Variants in TAFA5 observed in about 807,000 individuals in gnomAD.
TAFA5 encodes chemokine-like protein TAFA-5.
TAFA5 carries 6 observed loss-of-function variants against 15.3 expected under a neutral mutation model. That is an observed-to-expected ratio of 0.39 (90% confidence interval 0.21 to 0.77). The LOEUF (loss-of-function observed/expected upper bound fraction) is 0.77. Among genes scored for constraint, TAFA5 ranks in the 30% least tolerant of loss-of-function variants. The pLI, the probability that TAFA5 is intolerant of heterozygous loss-of-function variation, is 0.41. For synonymous variants in TAFA5, 103 were observed against 80.7 expected (o/e 1.28, Z -1.48); for missense variants, 161 against 193.1 (o/e 0.83, Z 0.98).
intron 1 of TAFA5, among the ~76,000 whole-genome samples, chr22:48,629,338 T>C (rs1358613250): frequency 6.6e-6 from 1 of 152,072 alleles, no homozygotes; most frequent in African/African-American, 2.4e-5. Context: ...CAGCGGCCCC[T>C]CCTCGTCCTG....
intron 2 of TAFA5, among the ~76,000 whole-genome samples, chr22:48,659,972 G>A (rs140850855): frequency 5.3e-5 from 8 of 152,284 alleles, no homozygotes; most frequent in African/African-American, 1.4e-4. Flanking sequence ...TGACTTGGAG[G>A]GGGGTGAGTG....
rs556156753 is a variant in TAFA5, at chr22:48,661,389, C to G, written c.262+14643C>G. Among the ~76,000 whole-genome samples the G allele has an allele frequency of 2.0e-5, 3 of 152,344 alleles. 1 individual carries two copies. The highest frequency in any genetic ancestry group is 1.9e-4 in the East Asian group (1 of 5,170). ...GCTGAATGGTGTGCAGGCCTCGAAC[C>G]CCGGCCGCAGAACTCGCCCCGATGA... On this transcript the variant is annotated intron_variant, in intron 2 of 3. Coordinates refer to ENST00000402357, the MANE Select transcript of TAFA5 (RefSeq NM_001082967.3).
At chr22:48,572,619 C>T (rs1923628851) in intron 1 of TAFA5, among the ~76,000 whole-genome samples, 1 of 152,142 alleles carries the variant, frequency 6.6e-6, no homozygotes, top group African/African-American at 2.4e-5. Flanking sequence ...TTTTGTGTGC[C>T]ATGGGCCTGT....
chr22:48,728,158 CTACA>C (rs991193306), intron 3 of TAFA5, among the ~76,000 whole-genome samples: 18 of 152,104 alleles, frequency 1.2e-4, no homozygotes, highest in African/African-American at 4.3e-4. Context: ...GTTGAAATCT[CTACA>C]AAAAGAGCCA....
chr22:48,633,884 G>A (rs1926337607), intron 1 of TAFA5, among the ~76,000 whole-genome samples: 1 of 152,240 alleles, frequency 6.6e-6, no homozygotes, highest in African/African-American at 2.4e-5. Flanking sequence ...TCTCAGGGAT[G>A]TGTGTGCCAC....
intron 1 of TAFA5, among the ~76,000 whole-genome samples, chr22:48,642,325 G>A (rs938141488): frequency 1.4e-4 from 21 of 152,280 alleles, no homozygotes; most frequent in African/African-American, 4.6e-4. Flanking sequence ...CCAGGGGTCC[G>A]GGTCTACCCT....
At chr22:48,642,086 G>C (rs1926703583) in intron 1 of TAFA5, among the ~76,000 whole-genome samples, 1 of 152,188 alleles carries the variant, frequency 6.6e-6, no homozygotes, top group African/African-American at 2.4e-5. Flanking sequence ...ACTTTTCTGA[G>C]GGGGGCAGCC....
chr22:48,567,005 C>T (rs1416228540), intron 1 of TAFA5, among the ~76,000 whole-genome samples: 5 of 152,204 alleles, frequency 3.3e-5, no homozygotes, highest in Admixed American at 6.5e-5. Flanking sequence ...AGGGCACTTG[C>T]GTTGTCTCCA....
intron 1 of TAFA5, among the ~76,000 whole-genome samples, chr22:48,628,971 C>T (rs1926118038): frequency 6.6e-6 from 1 of 152,118 alleles, no homozygotes; most frequent in East Asian, 1.9e-4. Flanking sequence ...CGCCGTTTCC[C>T]TTAGACCTGA....
In TAFA5 at chr22:48,742,027, C is replaced by T. The variant is rs75440808; in HGVS notation, c.391-7812C>T. On this transcript the variant is annotated intron_variant, in intron 3 of 3. Coordinates refer to ENST00000402357, the MANE Select transcript of TAFA5 (RefSeq NM_001082967.3). This position sits in a 1 kb window ranked among gnomAD's most constrained non-coding sequence, Gnocchi z 6.2. ...CCCATGGTTGGGGGTAAACACTGTT[C>T]CTATCCCGTGTTACAGACGGGGAAA... Among the ~76,000 whole-genome samples the T allele has an allele frequency of 9.8e-3, 1,496 of 152,356 alleles. 11 individuals are homozygous for T. The highest frequency in any genetic ancestry group is 0.024 in the Middle Eastern group (7 of 294).
At chr22:48,714,105 C>T (rs544564679) in intron 3 of TAFA5, among the ~76,000 whole-genome samples, 51 of 152,330 alleles carry the variant, frequency 3.3e-4, no homozygotes, top group Non-Finnish European at 5.6e-4. Context: ...ACAGAGTGTC[C>T]GTGGCCCGCA....
chr22:48,578,871 C>T (rs570190376), intron 1 of TAFA5, among the ~76,000 whole-genome samples: 1 of 152,070 alleles, frequency 6.6e-6, no homozygotes, highest in Non-Finnish European at 1.5e-5. Context: ...AGGGGGGTGG[C>T]CGACTCTGGT....
chr22:48,646,791 C>A, intron 2 of TAFA5, 45 bp downstream of exon 2: 1 of 1,526,254 alleles, frequency 6.6e-7, no homozygotes, highest in Non-Finnish European at 8.8e-7. Context: ...CTGAGCGCGG[C>A]GTCACCAAAG....
intron 2 of TAFA5, among the ~76,000 whole-genome samples, chr22:48,665,478 G>A (rs75828863): frequency 0.012 from 1,808 of 152,248 alleles, 39 homozygotes; most frequent in African/African-American, 0.042. Flanking sequence ...GCCGTGAGAC[G>A]TTCTCTCGCG....
At chr22:48,494,039 G>C (rs981678610) in intron 1 of TAFA5, among the ~76,000 whole-genome samples, 4 of 152,204 alleles carry the variant, frequency 2.6e-5, no homozygotes, top group Admixed American at 2.6e-4. Context: ...AACCCAAGAA[G>C]GAGGCTCCAC....
intron 2 of TAFA5, among the ~76,000 whole-genome samples, chr22:48,658,984 A>C (rs969650510): frequency 1.3e-5 from 2 of 152,204 alleles, no homozygotes; most frequent in African/African-American, 4.8e-5. Flanking sequence ...TTTGCCCGTC[A>C]TTGTCAGGAG....
At chr22:48,539,698 G>A (rs1922292893) in intron 1 of TAFA5, among the ~76,000 whole-genome samples, 2 of 152,180 alleles carry the variant, frequency 1.3e-5, no homozygotes, top group Admixed American at 1.3e-4. Context: ...GAAATATCCA[G>A]CAATGTCGCT....
At chr22:48,558,657 G>A (rs534170714) in intron 1 of TAFA5, among the ~76,000 whole-genome samples, 56 of 152,304 alleles carry the variant, frequency 3.7e-4, no homozygotes, top group Non-Finnish European at 6.8e-4. Context: ...AGTATCTTCC[G>A]GGCGTGGCCA....
At chr22:48,657,786 T>C (rs1569067213) in intron 2 of TAFA5, among the ~76,000 whole-genome samples, 1 of 152,088 alleles carries the variant, frequency 6.6e-6, no homozygotes, top group Non-Finnish European at 1.5e-5. Context: ...AAATGCCTGG[T>C]TGAAGCAGGT....
Sources: gnomAD v4.1 joint callset for allele counts (sites outside exome capture counted in the v4.1 genomes callset) on GRCh38, gnomAD v4.1.1 for gene constraint, Gnocchi (gnomAD v3.1) non-coding constraint, MANE v1.5 for transcripts, NCBI Gene and HGNC (gene_info 2026-07-23, HGNC 2026-07-21) for gene names.